PARD3B: variants seen among roughly 807,000 people sequenced by gnomAD.
PARD3B encodes the protein partitioning defective 3 homolog B.
PARD3B carries 103 observed loss-of-function variants against 130.2 expected under a neutral mutation model. The ratio of observed to expected loss-of-function variants is 0.79; its 90% CI spans 0.67 to 0.93. PARD3B has a LOEUF of 0.93. Ranked by LOEUF, PARD3B falls within the 40% of genes least tolerant of loss-of-function variation. The pLI is 0.00. For missense variants in PARD3B, 1,609 were observed against 1,499.2 expected (o/e 1.07, Z -1.21); for synonymous variants, 583 against 553.2 (o/e 1.05, Z -0.76).
chr2:204,750,631 TAC>T (rs370579605), intron 2 of PARD3B, among the ~76,000 whole-genome samples: 1 of 144,318 alleles, frequency 6.9e-6, no homozygotes, highest in Non-Finnish European at 1.5e-5. Flanking sequence ...CATACATACA[TAC>T]ACACACACAT....
intron 4 of PARD3B, among the ~76,000 whole-genome samples, chr2:205,070,634 T>C (rs923786748): frequency 2.0e-5 from 3 of 152,196 alleles, no homozygotes; most frequent in African/African-American, 7.2e-5. Flanking sequence ...ACTTCTTATG[T>C]ATAAGATCAA....
At position 205,405,617 on chromosome 2, in the gene PARD3B, A is replaced by G. The variant is rs2046393552; in HGVS notation, c.2741+4494A>G. On this transcript the variant is annotated intron_variant, in intron 19 of 22. Transcript: ENST00000406610. This position sits in a 1 kb window ranked among gnomAD's most constrained non-coding sequence, Gnocchi z 4.1. ...GCTTGCAAGAATAATTTTTTTCGTTAAAATTTATTTTTAACCTTGGCCTGC... is the reference window on the plus strand; with the variant it reads ...GCTTGCAAGAATAATTTTTTTCGTTGAAATTTATTTTTAACCTTGGCCTGC... Among the ~76,000 whole-genome samples, 1 of 152,182 alleles carries G rather than the reference A, an allele frequency of 6.6e-6. No homozygotes were observed. Among genetic ancestry groups the G allele is most frequent in the South Asian group, 2.1e-4 (1 of 4,836 alleles).
chr2:204,898,677 G>A (rs1161804969), intron 2 of PARD3B, among the ~76,000 whole-genome samples: 1 of 152,118 alleles, frequency 6.6e-6, no homozygotes, highest in East Asian at 1.9e-4. Flanking sequence ...TTTCTTTGTT[G>A]ATGTTCTCTC....
Position 204,967,771 on chromosome 2 carries a change from G to A in PARD3B, c.394+2448G>A, listed in dbSNP as rs534647781. Among the ~76,000 whole-genome samples, 32 of 152,324 alleles carry A rather than the reference G, an allele frequency of 2.1e-4. No homozygotes were observed. Among genetic ancestry groups the A allele is most frequent in the South Asian group, 6.2e-4 (3 of 4,820 alleles). On this transcript the variant is annotated intron_variant, in intron 3 of 22. Coordinates refer to ENST00000406610, the MANE Select transcript of PARD3B (RefSeq NM_001302769.2). The surrounding 1 kb of genome is among the most constrained non-coding windows in gnomAD (Gnocchi z 4.4). ...ATTCTGTTTTCCTGTTGTTGGCTCCGGGGCAGGATGTGGCCATAGGCTGTG... is the reference window on the plus strand; with the variant it reads ...ATTCTGTTTTCCTGTTGTTGGCTCCAGGGCAGGATGTGGCCATAGGCTGTG...
At chr2:205,255,863 C>T (rs960474724) in intron 16 of PARD3B, among the ~76,000 whole-genome samples, 2 of 152,034 alleles carry the variant, frequency 1.3e-5, no homozygotes, top group Admixed American at 1.3e-4. Context: ...ATTATGGAGG[C>T]TTCCGTAAGT....
At chr2:205,377,776 T>TTTA (rs1247432828) in intron 18 of PARD3B, among the ~76,000 whole-genome samples, 1 of 149,480 alleles carries the variant, frequency 6.7e-6, no homozygotes, top group African/African-American at 2.5e-5. Flanking sequence ...TTTTTTTTTT[T>TTTA]TTTTTTTTTT....
intron 2 of PARD3B, among the ~76,000 whole-genome samples, chr2:204,745,595 G>T (rs963116345): frequency 6.6e-6 from 1 of 151,878 alleles, no homozygotes; most frequent in African/African-American, 2.4e-5. Context: ...TAGAGATGAG[G>T]TTTCACCATA....
chr2:205,120,947 C>T (rs2030632392), intron 7 of PARD3B, among the ~76,000 whole-genome samples: 1 of 152,176 alleles, frequency 6.6e-6, no homozygotes, highest in Non-Finnish European at 1.5e-5. Context: ...TGAGGAAGAA[C>T]ACAAAGTGTT....
At chr2:205,117,039 G>A (rs941892657) in intron 6 of PARD3B, among the ~76,000 whole-genome samples, 6 of 152,064 alleles carry the variant, frequency 3.9e-5, no homozygotes, top group African/African-American at 1.4e-4. Flanking sequence ...AGGAAGACTT[G>A]AATGCTTGTT....
rs569296630 is a variant in PARD3B, at chr2:205,135,278, C to T, written c.1434+9541C>T. Among the ~76,000 whole-genome samples the T allele has an allele frequency of 2.0e-5, 3 of 152,254 alleles. No homozygotes were observed. In the South Asian group the frequency reaches 6.2e-4, roughly 32 times the overall value. The stretch of plus-strand genomic sequence containing the variant: ...AAACTTAGGGGACAACCTTGATTTG[C>T]TTAATTGCCTCCATGCCTGTGATCA... On this transcript the variant is annotated intron_variant, in intron 10 of 22. Transcript: ENST00000406610.
rs1703181077 is a variant in PARD3B at position 205,105,995 on chromosome 2, T to C, written c.593+1481T>C. Among the ~76,000 whole-genome samples, 1 of 152,012 alleles carries C rather than the reference T, an allele frequency of 6.6e-6. No homozygotes were observed. The highest frequency in any genetic ancestry group is 1.5e-5 in the Non-Finnish European group (1 of 67,980). On this transcript the variant is annotated intron_variant, in intron 5 of 22. Coordinates refer to ENST00000406610, the MANE Select transcript of PARD3B (RefSeq NM_001302769.2). This position sits in a 1 kb window ranked among gnomAD's most constrained non-coding sequence, Gnocchi z 4.0. The stretch of plus-strand genomic sequence containing the variant: ...CTTTTTGAAAAGTTTGTTAATATCT[T>C]GTCCAAATGCTATGTGAATAGCATC...
intron 14 of PARD3B, among the ~76,000 whole-genome samples, chr2:205,192,630 A>G (rs993500273): frequency 1.5e-4 from 23 of 152,196 alleles, no homozygotes; most frequent in African/African-American, 5.1e-4. Flanking sequence ...TTAATTGTCA[A>G]CTGTGCTCTT....
At position 205,124,454 on chromosome 2, in the gene PARD3B, C is replaced by G; in HGVS notation, c.1293C>G (p.Asp431Glu). ...AAGATGGCCGCCTACAATCAGGGGA[C>G]AGAATTTTGGAGGTAAGAATTGGAA... ...AIKDGRLQSGDRILEVNGRDV... is the reference protein window; with the variant it reads ...AIKDGRLQSGERILEVNGRDV... The change falls in exon 9 of 23, where the codon GAC becomes GAG. Residue 431 changes from aspartate (D) to glutamate (E), a missense_variant. Coordinates refer to ENST00000406610, the MANE Select transcript of PARD3B (RefSeq NM_001302769.2). 1.9e-6 allele frequency: 3 copies of G among 1,590,538 alleles called. No individual in the cohort carries two copies. The highest frequency in any genetic ancestry group is 1.7e-6 in the Non-Finnish European group (2 of 1,168,590).
At chr2:204,654,129 C>A (rs1405671236) in intron 1 of PARD3B, among the ~76,000 whole-genome samples, 1 of 151,124 alleles carries the variant, frequency 6.6e-6, no homozygotes, top group Non-Finnish European at 1.5e-5. Context: ...GATAATCTTG[C>A]AAAATGTAGA....
At chr2:204,998,358 ATGTGTGTGTGTG>A (rs59323700) in intron 3 of PARD3B, among the ~76,000 whole-genome samples, 17 of 69,776 alleles carry the variant, frequency 2.4e-4, no homozygotes, top group South Asian at 3.7e-4. Context: ...ATATATATAT[ATGTGTGTGTGTG>A]TGTGTATATA....
At chr2:204,971,834 A>ATT (rs3038727) in intron 3 of PARD3B, among the ~76,000 whole-genome samples, 96 of 131,208 alleles carry the variant, frequency 7.3e-4, no homozygotes, top group Admixed American at 2.3e-3. Context: ...TTTTGTTTTA[A>ATT]TTTTTTTTTT....
At chr2:205,026,523 C>T (rs779821738) in intron 3 of PARD3B, among the ~76,000 whole-genome samples, 1 of 152,136 alleles carries the variant, frequency 6.6e-6, no homozygotes. Context: ...ACCATTTGTG[C>T]ATGTGTCTAT....
intron 1 of PARD3B, among the ~76,000 whole-genome samples, chr2:204,671,531 T>C (rs1448237869): frequency 6.6e-6 from 1 of 152,200 alleles, no homozygotes; most frequent in Admixed American, 6.5e-5. Flanking sequence ...GGAACTTGGA[T>C]TTGACCTTCT....
chr2:204,693,902 T>C (rs1195918762), intron 2 of PARD3B, among the ~76,000 whole-genome samples: 2 of 152,104 alleles, frequency 1.3e-5, no homozygotes, highest in Non-Finnish European at 2.9e-5. Context: ...AGGGGGTCTT[T>C]GCTTTATTCA....
Sources: allele counts gnomAD v4.1 joint callset (sites outside exome capture counted in the v4.1 genomes callset), GRCh38; gene constraint gnomAD v4.1.1; non-coding constraint Gnocchi (gnomAD v3.1); transcripts MANE v1.5; gene names NCBI Gene and HGNC (gene_info 2026-07-23, HGNC 2026-07-21).